Variants in STK32B observed in about 807,000 individuals in gnomAD.
The protein encoded by STK32B is serine/threonine-protein kinase 32B.
A neutral mutation model predicts 52.6 loss-of-function variants in STK32B; 43 were observed. The observed-to-expected ratio is 0.82, with a 90% CI of 0.64 to 1.05. STK32B has a LOEUF of 1.05. STK32B is among the 50% of genes least tolerant of loss of function. STK32B has a pLI of 0.00. For synonymous variants in STK32B, 238 were observed against 204.3 expected (o/e 1.17, Z -1.41); for missense variants, 621 against 534.6 (o/e 1.16, Z -1.59).
At chr4:5,482,399 T>C (rs1053782201) in intron 11 of STK32B, among the ~76,000 whole-genome samples, 1 of 152,160 alleles carries the variant, frequency 6.6e-6, no homozygotes, top group African/African-American at 2.4e-5. Context: ...CTGTTATTGG[T>C]GTATTAGAAT....
intron 5 of STK32B, among the ~76,000 whole-genome samples, chr4:5,406,891 C>A (rs1485554280): frequency 6.6e-6 from 1 of 152,152 alleles, no homozygotes; most frequent in Non-Finnish European, 1.5e-5. Flanking sequence ...ACATTCAGCT[C>A]CCTTTTACTC....
chr4:5,474,934 C>T (rs1234995038), intron 11 of STK32B, among the ~76,000 whole-genome samples: 1 of 152,214 alleles, frequency 6.6e-6, no homozygotes, highest in Non-Finnish European at 1.5e-5. Context: ...AAGGCAGGGC[C>T]GAGCTTCCTG....
intron 1 of STK32B, among the ~76,000 whole-genome samples, chr4:5,095,424 G>T (rs1293726144): frequency 1.5e-4 from 23 of 152,194 alleles, no homozygotes; most frequent in Admixed American, 1.4e-3. Context: ...AGACCAGTCT[G>T]GCCAACAGGG....
At position 5,453,062 on chromosome 4, in the gene STK32B, G is replaced by A. The variant is rs975206938; in HGVS notation, c.667-3745G>A. Among the ~76,000 whole-genome samples, 8 of 151,986 alleles carry A rather than the reference G, an allele frequency of 5.3e-5. No homozygotes were observed. Among genetic ancestry groups the A allele is most frequent in the African/African-American group, 1.9e-4 (8 of 41,372 alleles). On this transcript the variant is annotated intron_variant, in intron 7 of 11. Transcript: ENST00000282908. This position sits in a 1 kb window ranked among gnomAD's most constrained non-coding sequence, Gnocchi z 4.0. ...ACTCAAACAGATGACGGCTGAACCT[G>A]GTGCCTAAAGCTGTGGAACTTGTTT... is the stretch of plus-strand genomic sequence containing the variant.
chr4:5,337,022 A>G (rs866328714), intron 4 of STK32B, among the ~76,000 whole-genome samples: 9 of 152,210 alleles, frequency 5.9e-5, no homozygotes, highest in Middle Eastern at 3.4e-3. Context: ...GCTGTCGTTC[A>G]GGCTAGAGTG....
chr4:5,484,459 C>T (rs1438024989), intron 11 of STK32B, among the ~76,000 whole-genome samples: 1 of 152,062 alleles, frequency 6.6e-6, no homozygotes. Flanking sequence ...TCCTCCATCC[C>T]TTTATTTTGA....
At chr4:5,188,239 A>G (rs1720900209) in intron 3 of STK32B, among the ~76,000 whole-genome samples, 2 of 152,196 alleles carry the variant, frequency 1.3e-5, no homozygotes, top group African/African-American at 4.8e-5. Flanking sequence ...GGAGGCCACG[A>G]TGCTCGATGA....
chr4:5,241,395 C>T (rs190142798), intron 3 of STK32B, among the ~76,000 whole-genome samples: 75 of 152,088 alleles, frequency 4.9e-4, no homozygotes, highest in Non-Finnish European at 1.0e-3. Context: ...TAACATCTGT[C>T]CCTAAAAAAG....
At chr4:5,128,770 C>T (rs573868152) in intron 1 of STK32B, among the ~76,000 whole-genome samples, 1 of 152,284 alleles carries the variant, frequency 6.6e-6, no homozygotes, top group Admixed American at 6.5e-5. Flanking sequence ...GGATACTGGC[C>T]AGGAGCTGAA....
chr4:5,122,199 C>T (rs1255820595), intron 1 of STK32B, among the ~76,000 whole-genome samples: 6 of 152,082 alleles, frequency 3.9e-5, no homozygotes, highest in Non-Finnish European at 8.8e-5. Flanking sequence ...CACTCATTCA[C>T]TCATTCTTTT....
At chr4:5,261,194 C>T (rs1041806544) in intron 3 of STK32B, among the ~76,000 whole-genome samples, 3 of 152,152 alleles carry the variant, frequency 2.0e-5, no homozygotes, top group Non-Finnish European at 2.9e-5. Flanking sequence ...TGGCCCTGCT[C>T]ATGAAGGTGG....
intron 3 of STK32B, among the ~76,000 whole-genome samples, chr4:5,176,632 C>G (rs1719926139): frequency 6.6e-6 from 1 of 151,914 alleles, no homozygotes; most frequent in African/African-American, 2.4e-5. Context: ...TTAGTAAAGA[C>G]AGGATTTCAC....
At chr4:5,389,270 G>A (rs1254172731) in intron 4 of STK32B, among the ~76,000 whole-genome samples, 1 of 152,130 alleles carries the variant, frequency 6.6e-6, no homozygotes, top group Non-Finnish European at 1.5e-5. Flanking sequence ...GTAAAATAAG[G>A]GTAACAATAC....
intron 5 of STK32B, among the ~76,000 whole-genome samples, chr4:5,401,682 G>A (rs1577448697): frequency 6.6e-6 from 1 of 152,356 alleles, no homozygotes; most frequent in Non-Finnish European, 1.5e-5. Context: ...AAAGAGCTGA[G>A]TGCATTTTAG....
intron 6 of STK32B, among the ~76,000 whole-genome samples, chr4:5,420,899 G>T (rs1407791926): frequency 1.3e-5 from 2 of 151,912 alleles, no homozygotes; most frequent in African/African-American, 4.8e-5. Context: ...TTTTTGTTTT[G>T]TTTTGTTTTG....
At chr4:5,381,779 G>C (rs1016931158) in intron 4 of STK32B, among the ~76,000 whole-genome samples, 1 of 152,180 alleles carries the variant, frequency 6.6e-6, no homozygotes, top group Non-Finnish European at 1.5e-5. Flanking sequence ...GGAAGCAGCT[G>C]TCTGGGTTTT....
intron 3 of STK32B, among the ~76,000 whole-genome samples, chr4:5,196,866 C>T (rs903490172): frequency 4.6e-5 from 7 of 152,186 alleles, no homozygotes; most frequent in African/African-American, 9.7e-5. Flanking sequence ...CAGCACTCCA[C>T]GGCCCTAGAC....
chr4:5,158,246 CAG>C (rs1358396862), intron 2 of STK32B, among the ~76,000 whole-genome samples: 4 of 152,140 alleles, frequency 2.6e-5, no homozygotes. Context: ...TGCCCTTCTA[CAG>C]AGTGTTTCCC....
chr4:5,397,226 A>G (rs980128245), intron 4 of STK32B, among the ~76,000 whole-genome samples: 7 of 152,224 alleles, frequency 4.6e-5, no homozygotes, highest in African/African-American at 1.7e-4. Context: ...GTGAAAATTT[A>G]TGCATTTGTA....
Sources: allele counts gnomAD v4.1 joint callset (sites outside exome capture counted in the v4.1 genomes callset), GRCh38; gene constraint gnomAD v4.1.1; non-coding constraint Gnocchi (gnomAD v3.1); transcripts MANE v1.5; gene names NCBI Gene and HGNC (gene_info 2026-07-23, HGNC 2026-07-21).